SSPN: variants seen among roughly 807,000 people sequenced by gnomAD.
SSPN encodes K-ras oncogene-associated protein.
A neutral mutation model predicts 19.1 loss-of-function variants in SSPN; 15 were observed. That is an observed-to-expected ratio of 0.78 (90% CI 0.52 to 1.21). The LOEUF (loss-of-function observed/expected upper bound fraction) is 1.21, where lower values mean the gene tolerates loss of function less well. SSPN is among the 50% of genes most tolerant of loss of function. The pLI, the probability that SSPN is intolerant of heterozygous loss-of-function variation, is 0.00. For synonymous variants in SSPN, 147 were observed against 140.3 expected (o/e 1.05, Z -0.34); for missense variants, 291 against 314.0 (o/e 0.93, Z 0.55).
intron 1 of SSPN, among the ~76,000 whole-genome samples, chr12:26,185,226 T>A (rs1944745269): frequency 6.6e-6 from 1 of 152,108 alleles, no homozygotes; most frequent in Admixed American, 6.5e-5. Context: ...CAATAAACAT[T>A]TATTGAGTGC....
chr12:26,191,750 G>C (rs955273404), upstream of SSPN, among the ~76,000 whole-genome samples: 1 of 151,800 alleles, frequency 6.6e-6, no homozygotes, highest in African/African-American at 2.4e-5. Flanking sequence ...AATATCCCTA[G>C]AGTCATTTTA....
At chr12:26,183,303 G>C (rs1944731864) in intron 1 of SSPN, among the ~76,000 whole-genome samples, 1 of 152,038 alleles carries the variant, frequency 6.6e-6, no homozygotes, top group Non-Finnish European at 1.5e-5. Flanking sequence ...TTGTAGAAAT[G>C]GGGTTTTGCT....
intron 1 of SSPN, among the ~76,000 whole-genome samples, chr12:26,139,307 A>G (rs750283393): frequency 2.6e-5 from 4 of 152,172 alleles, no homozygotes. Flanking sequence ...ATTTTCCTTT[A>G]TGTTAATGAT....
rs1945246269 is a variant in SSPN at position 26,232,725 on chromosome 12, T to C, written c.*1649T>C. Reference sequence around the variant, plus strand: ...GATTGTAAATATCTTTTATGTCCTCTAGATAAAACACCCGATTAACAGATG... The same window carrying C: ...GATTGTAAATATCTTTTATGTCCTCCAGATAAAACACCCGATTAACAGATG... On this transcript the variant is annotated 3_prime_UTR_variant, in exon 3 of 3. Transcript: ENST00000242729. 4.1e-6 allele frequency: 4 copies of C among 984,448 alleles called. No homozygotes were observed. Among genetic ancestry groups the C allele is most frequent in the Non-Finnish European group, 4.8e-6 (4 of 829,180 alleles). The allele number at this position is 984,448 out of a possible 1,614,324, so 61.0% of individuals were successfully genotyped here.
intron 1 of SSPN, among the ~76,000 whole-genome samples, chr12:26,210,838 T>C (rs1366972453): frequency 2.0e-5 from 3 of 152,202 alleles, no homozygotes; most frequent in Admixed American, 6.6e-5. Context: ...ATGAAACCTT[T>C]TGATGCTTTT....
intron 1 of SSPN, among the ~76,000 whole-genome samples, chr12:26,215,729 G>A (rs573821589): frequency 6.6e-6 from 1 of 152,168 alleles, no homozygotes; most frequent in African/African-American, 2.4e-5. Flanking sequence ...ATAGCAGAAT[G>A]CCACATCACA....
chr12:26,224,352 A>G lies in SSPN; in HGVS notation c.339A>G (p.Glu113=), dbSNP rs148183556. 6.2e-7 allele frequency: 1 copy of G among 1,613,810 alleles called. No homozygotes were observed. The highest frequency in any genetic ancestry group is 1.7e-5 in the Admixed American group (1 of 60,012). Residue 113 remains glutamate, a synonymous_variant, in exon 2 of 3, where the codon GAA becomes GAG. Coordinates refer to ENST00000242729, the MANE Select transcript of SSPN (RefSeq NM_005086.5). ...TTTGTGTCTCATATCAGGTTGACGA[A>G]CGGACATGTATTCAATTTTCTATGA... is the stretch of plus-strand genomic sequence containing the variant. The part of the protein sequence containing the change: ...FMLCVSYQVD[E]RTCIQFSMKL...
intron 1 of SSPN, among the ~76,000 whole-genome samples, chr12:26,130,504 G>A (rs1048671725): frequency 2.6e-5 from 4 of 152,078 alleles, no homozygotes; most frequent in African/African-American, 9.7e-5. Context: ...AAAACTATTG[G>A]TATAAAACTT....
chr12:26,215,055 A>G (rs906361352), intron 1 of SSPN, among the ~76,000 whole-genome samples: 6 of 152,174 alleles, frequency 3.9e-5, no homozygotes, highest in African/African-American at 9.7e-5. Context: ...ACCCTTGGCA[A>G]TACATTTTCC....
At chr12:26,141,393 G>A (rs1400184800) in intron 1 of SSPN, among the ~76,000 whole-genome samples, 1 of 152,178 alleles carries the variant, frequency 6.6e-6, no homozygotes, top group East Asian at 1.9e-4. Flanking sequence ...AACATCTTGA[G>A]TTTAGCCCAA....
In SSPN at chr12:26,195,950, T is replaced by C; in HGVS notation, c.278T>C (p.Ile93Thr). 1 of 1,505,010 alleles carries C rather than the reference T, an allele frequency of 6.6e-7. No individual in the cohort carries two copies. The highest frequency in any genetic ancestry group is 8.9e-7 in the Non-Finnish European group (1 of 1,128,508). The allele number at this position is 1,505,010 out of a possible 1,614,324, so 93.2% of individuals were successfully genotyped here. A position where few individuals can be genotyped will look rare whatever the true frequency, so the allele number is the denominator to read the frequency against. ...GACACTCCATTTTGGGCTGGGATCA[T>C]TGTAAGCATCAAGTCTGTTTTGCCT... is the stretch of plus-strand genomic sequence containing the variant. The part of the protein sequence containing the change: ...VRDTPFWAGI[I>T]VCLVAYLGLF... The change falls in exon 1 of 3, where the codon ATT becomes ACT. Residue 93 changes from isoleucine to threonine, a missense_variant and splice_region_variant. Ile to Thr is a moderately conservative substitution (Grantham distance 89). Transcript: ENST00000242729.
intron 2 of SSPN, among the ~76,000 whole-genome samples, chr12:26,229,800 A>C (rs1040992233): frequency 6.6e-6 from 1 of 152,220 alleles, no homozygotes; most frequent in African/African-American, 2.4e-5. Context: ...TAACATTTCT[A>C]GTAGGTGAGT....
intron 1 of SSPN, among the ~76,000 whole-genome samples, chr12:26,131,587 G>T (rs908704301): frequency 6.6e-6 from 1 of 152,218 alleles, no homozygotes; most frequent in African/African-American, 2.4e-5. Context: ...TTGTGGGAGG[G>T]CTATGCTATC....
chr12:26,162,679 CA>C (rs1399076947), intron 1 of SSPN, among the ~76,000 whole-genome samples: 4 of 152,090 alleles, frequency 2.6e-5, no homozygotes, highest in Non-Finnish European at 5.9e-5. Flanking sequence ...ATGTGTACTA[CA>C]ACAATTTAAT....
At chr12:26,176,861 C>T (rs967674693) in intron 1 of SSPN, among the ~76,000 whole-genome samples, 1 of 152,152 alleles carries the variant, frequency 6.6e-6, no homozygotes, top group Non-Finnish European at 1.5e-5. Flanking sequence ...CTTGATGTAC[C>T]TGCCTCCGTT....
At chr12:26,158,944 C>T (rs536786235) in intron 1 of SSPN, among the ~76,000 whole-genome samples, 11 of 152,338 alleles carry the variant, frequency 7.2e-5, no homozygotes, top group South Asian at 2.1e-4. Context: ...CCTTCCAATG[C>T]GACTGACAGC....
At position 26,230,981 on chromosome 12, in the gene SSPN, T is replaced by G; in HGVS notation, c.637T>G (p.Cys213Gly). 1 of 1,614,228 alleles carries G rather than the reference T, an allele frequency of 6.2e-7. No individual in the cohort carries two copies. Among genetic ancestry groups the G allele is most frequent in the Non-Finnish European group, 8.5e-7 (1 of 1,180,028 alleles). The change falls in exon 3 of 3, where the codon TGC becomes GGC. Residue 213 changes from cysteine to glycine, a missense_variant. Coordinates refer to ENST00000242729, the MANE Select transcript of SSPN (RefSeq NM_005086.5). ...CTGCGGCCTTGTGTGCTTGTTGGCC[T>G]GCTTTGTGATGTGGAAACATAGGTA... The part of the protein sequence containing the change: ...LVCGLVCLLA[C>G]FVMWKHRYQV...
chr12:26,222,626 A>T (rs577607267), intron 1 of SSPN, among the ~76,000 whole-genome samples: 1 of 152,322 alleles, frequency 6.6e-6, no homozygotes, highest in South Asian at 2.1e-4. Flanking sequence ...TCTGTTGCTT[A>T]TGTTTTCTAT....
chr12:26,166,337 C>T (rs1197473831), intron 1 of SSPN, among the ~76,000 whole-genome samples: 3 of 152,084 alleles, frequency 2.0e-5, no homozygotes, highest in Non-Finnish European at 2.9e-5. Flanking sequence ...TTGCATAGTC[C>T]CTTAATAATT....
Sources: allele counts gnomAD v4.1 joint callset (sites outside exome capture counted in the v4.1 genomes callset), GRCh38; gene constraint gnomAD v4.1.1; transcripts MANE v1.5; gene names NCBI Gene and HGNC (gene_info 2026-07-23, HGNC 2026-07-21).